Variants in CNOT6 observed in about 807,000 individuals in gnomAD.
CNOT6 encodes carbon catabolite repression 4 protein.
A neutral mutation model predicts 61.2 loss-of-function variants in CNOT6; 12 were observed. The observed-to-expected ratio is 0.20, with a 90% CI of 0.13 to 0.32. CNOT6 has a LOEUF of 0.32. CNOT6 is among the 10% of genes least tolerant of loss of function. CNOT6 has a pLI of 1.00. For synonymous variants in CNOT6, 225 were observed against 240.6 expected (o/e 0.94, Z 0.60); for missense variants, 405 against 663.9 (o/e 0.61, Z 4.28).
intron 11 of CNOT6, among the ~76,000 whole-genome samples, chr5:180,573,506 A>C (rs1760856937): frequency 6.6e-6 from 1 of 151,696 alleles, no homozygotes; most frequent in African/African-American, 2.4e-5. Context: ...AATTGACCTC[A>C]TAACAAGTAG....
At chr5:180,525,793 T>C (rs775204924) in intron 1 of CNOT6, among the ~76,000 whole-genome samples, 1 of 152,038 alleles carries the variant, frequency 6.6e-6, no homozygotes. Context: ...AAAACCGATA[T>C]CCTGGAAGCC....
chr5:180,542,908 C>G lies in CNOT6; in HGVS notation c.113-7023C>G, dbSNP rs1306948105. Reference sequence around the variant, plus strand: ...ATATGAGATTATCAAAAGGTGACTTCCTTTTGTTCATTGACCTCTTCCTGA... The same window carrying G: ...ATATGAGATTATCAAAAGGTGACTTGCTTTTGTTCATTGACCTCTTCCTGA... On this transcript the variant is annotated intron_variant, in intron 2 of 11. Coordinates refer to ENST00000261951, the MANE Select transcript of CNOT6 (RefSeq NM_001370472.1). Among the ~76,000 whole-genome samples, 3 of 152,052 alleles carry G rather than the reference C, an allele frequency of 2.0e-5. No individual in the cohort carries two copies. The East Asian group carries it at 5.8e-4, about 29-fold the overall frequency.
chr5:180,498,584 G>T (rs1303066563), intron 1 of CNOT6, among the ~76,000 whole-genome samples: 1 of 152,174 alleles, frequency 6.6e-6, no homozygotes, highest in African/African-American at 2.4e-5. Flanking sequence ...GACTCGAGAT[G>T]AGCCTGCAAA....
chr5:180,529,793 T>A (rs1261686285), intron 2 of CNOT6, among the ~76,000 whole-genome samples: 2 of 152,226 alleles, frequency 1.3e-5, no homozygotes, highest in African/African-American at 4.8e-5. Flanking sequence ...GAATGGCTGA[T>A]CTGTATAGGT....
intron 2 of CNOT6, among the ~76,000 whole-genome samples, chr5:180,539,173 CAAA>C (rs56032920): frequency 1.1e-5 from 1 of 93,244 alleles, no homozygotes; most frequent in African/African-American, 4.7e-5. Flanking sequence ...GACTCCATCT[CAAA>C]AAAAAAAAAA....
At chr5:180,530,574 T>G (rs1017102513) in intron 2 of CNOT6, among the ~76,000 whole-genome samples, 2 of 151,796 alleles carry the variant, frequency 1.3e-5, no homozygotes, top group Non-Finnish European at 2.9e-5. Context: ...TTTTTTTTTT[T>G]TTTTTAGTTT....
chr5:180,522,409 TG>T (rs1757920710), intron 1 of CNOT6, among the ~76,000 whole-genome samples: 1 of 152,208 alleles, frequency 6.6e-6, no homozygotes, highest in South Asian at 2.1e-4. Flanking sequence ...CCACTGGGCC[TG>T]GCTTAGTTCT....
chr5:180,559,099 T>G (rs868776805), intron 4 of CNOT6, among the ~76,000 whole-genome samples: 1 of 152,230 alleles, frequency 6.6e-6, no homozygotes, highest in Non-Finnish European at 1.5e-5. Flanking sequence ...TTTCTGTTTT[T>G]GGGTAGAATG....
At chr5:180,519,821 G>C (rs1187645568) in intron 1 of CNOT6, among the ~76,000 whole-genome samples, 1 of 141,776 alleles carries the variant, frequency 7.1e-6, no homozygotes, top group Admixed American at 7.3e-5. Context: ...TTAAAATTTG[G>C]TTATCCATTT....
At chr5:180,556,505 A>G (rs1235774265) in intron 4 of CNOT6, among the ~76,000 whole-genome samples, 1 of 152,236 alleles carries the variant, frequency 6.6e-6, no homozygotes, top group Admixed American at 6.5e-5. Flanking sequence ...GTGTGGAAAC[A>G]TCACATTGTT....
Position 180,496,996 on chromosome 5 carries a change from C to T in CNOT6, c.-3+2233C>T, listed in dbSNP as rs146952104. 8.5e-5 allele frequency among the ~76,000 whole-genome samples: 13 copies of T among 152,226 alleles called. No homozygotes were observed. The East Asian group carries it at 2.5e-3, about 29-fold the overall frequency. On this transcript the variant is annotated intron_variant, in intron 1 of 11. Transcript: ENST00000261951. ...GGTCCTAACTACAAATGTGTAAAGGCGTTGTAGGAATTTGCCCACTGTACA... is the reference window on the plus strand; with the variant it reads ...GGTCCTAACTACAAATGTGTAAAGGTGTTGTAGGAATTTGCCCACTGTACA...
intron 3 of CNOT6, among the ~76,000 whole-genome samples, chr5:180,552,628 G>A (rs573539493): frequency 1.2e-3 from 176 of 149,786 alleles, no homozygotes; most frequent in Non-Finnish European, 1.9e-3. Context: ...CCTGGGCAAT[G>A]GAGCGAGACT....
intron 4 of CNOT6, among the ~76,000 whole-genome samples, chr5:180,555,801 C>T (rs935086676): frequency 3.9e-5 from 6 of 152,218 alleles, no homozygotes; most frequent in African/African-American, 1.4e-4. Flanking sequence ...TATTATACGT[C>T]ATACATTCTT....
chr5:180,571,024 A>G (rs1441712257), intron 10 of CNOT6, among the ~76,000 whole-genome samples: 1 of 152,252 alleles, frequency 6.6e-6, no homozygotes, highest in Non-Finnish European at 1.5e-5. Flanking sequence ...TTGGGAAGAC[A>G]CATGTTCATA....
intron 2 of CNOT6, among the ~76,000 whole-genome samples, chr5:180,537,258 G>GC (rs1210685181): frequency 1.3e-5 from 2 of 152,162 alleles, no homozygotes; most frequent in African/African-American, 2.4e-5. Context: ...GTATCATTTT[G>GC]CCCTCCTACC....
intron 1 of CNOT6, among the ~76,000 whole-genome samples, chr5:180,510,762 G>A (rs1363161047): frequency 2.0e-5 from 3 of 151,988 alleles, no homozygotes; most frequent in Admixed American, 2.0e-4. Context: ...TTTTGGGTGA[G>A]TGTCTTTTGG....
rs1038063820 is a variant in CNOT6, at chr5:180,576,149, T to G, written c.*1949T>G. 1 of 152,622 alleles carries G rather than the reference T, an allele frequency of 6.6e-6. No homozygotes were observed. The highest frequency in any genetic ancestry group is 2.4e-5 in the African/African-American group (1 of 41,450). The allele number at this position is 152,622 out of a possible 1,614,324, so 9.5% of individuals were successfully genotyped here. On this transcript the variant is annotated 3_prime_UTR_variant, in exon 12 of 12. Coordinates refer to ENST00000261951, the MANE Select transcript of CNOT6 (RefSeq NM_001370472.1). Reference sequence around the variant, plus strand: ...TTTTTATGGGGTTTTGTTATTGGTTTTTTTTTGTAAAGTGTGAATAAAAGG... The same window carrying G: ...TTTTTATGGGGTTTTGTTATTGGTTGTTTTTTGTAAAGTGTGAATAAAAGG...
chr5:180,519,860 A>C (rs558186079), intron 1 of CNOT6, among the ~76,000 whole-genome samples: 1 of 148,288 alleles, frequency 6.7e-6, no homozygotes, highest in South Asian at 2.1e-4. Flanking sequence ...CCTGAAAAGG[A>C]ATCTCGCTCT....
At chr5:180,509,732 G>A (rs922126746) in intron 1 of CNOT6, among the ~76,000 whole-genome samples, 9 of 151,182 alleles carry the variant, frequency 6.0e-5, no homozygotes, top group Admixed American at 2.6e-4. Flanking sequence ...TTATTTTTAC[G>A]TAGAGACAGG....
Sources: allele counts gnomAD v4.1 joint callset (sites outside exome capture counted in the v4.1 genomes callset), GRCh38; gene constraint gnomAD v4.1.1; transcripts MANE v1.5; gene names NCBI Gene and HGNC (gene_info 2026-07-23, HGNC 2026-07-21).